Variants in LNX1 observed in about 807,000 individuals in gnomAD.
The protein encoded by LNX1 is E3 ubiquitin-protein ligase LNX.
LNX1 carries 54 observed loss-of-function variants against 68.4 expected under a neutral mutation model. The ratio of observed to expected loss-of-function variants is 0.79; its 90% CI spans 0.63 to 0.99. The LOEUF is 0.99. Among genes scored for constraint, LNX1 ranks in the 50% least tolerant of loss-of-function variants. The pLI is 0.00. For missense variants in LNX1, 906 were observed against 926.4 expected, an observed-to-expected ratio of 0.98 and a Z score of 0.29; for synonymous variants, 336 against 350.0, an observed-to-expected ratio of 0.96 and a Z score of 0.45.
chr4:53,577,898 G>C (rs1269780819), intron 1 of LNX1, among the ~76,000 whole-genome samples: 1 of 152,006 alleles, frequency 6.6e-6, no homozygotes, highest in African/African-American at 2.4e-5. Flanking sequence ...TTGATGATTT[G>C]ATGTTTGGGA....
intron 1 of LNX1, among the ~76,000 whole-genome samples, chr4:53,586,333 A>G (rs1732170691): frequency 1.3e-5 from 2 of 152,342 alleles, no homozygotes; most frequent in South Asian, 4.1e-4. Context: ...AGTCATAAGC[A>G]AGTTATGCAA....
chr4:53,557,803 A>G, intron 2 of LNX1: 1 of 1,570,322 alleles, frequency 6.4e-7, no homozygotes, highest in Non-Finnish European at 8.7e-7. Context: ...TCAGCTAGGG[A>G]ATGGACTCGG....
chr4:53,475,712 A>C (rs2109402029), intron 9 of LNX1, among the ~76,000 whole-genome samples: 1 of 152,344 alleles, frequency 6.6e-6, no homozygotes, highest in South Asian at 2.1e-4. Flanking sequence ...AGGTGAGCAA[A>C]CACCAACTTG....
intron 2 of LNX1, among the ~76,000 whole-genome samples, chr4:53,517,064 T>C (rs747708174): frequency 2.6e-5 from 4 of 152,188 alleles, no homozygotes; most frequent in Non-Finnish European, 5.9e-5. Context: ...CTTTTCTTGC[T>C]CGCCACTGAA....
chr4:53,529,990 G>T (rs1303997204), intron 2 of LNX1, among the ~76,000 whole-genome samples: 2 of 151,854 alleles, frequency 1.3e-5, no homozygotes, highest in Non-Finnish European at 2.9e-5. Flanking sequence ...ACCTCAATAT[G>T]GAAAAAAAAC....
chr4:53,523,489 G>C (rs1025756983), intron 2 of LNX1, among the ~76,000 whole-genome samples: 2 of 152,202 alleles, frequency 1.3e-5, no homozygotes, highest in Non-Finnish European at 2.9e-5. Context: ...GTTTTGCCAT[G>C]TTGGCTAGGC....
intron 1 of LNX1, among the ~76,000 whole-genome samples, chr4:53,634,296 TA>T (rs1190341163): frequency 6.6e-6 from 1 of 150,406 alleles, no homozygotes; most frequent in East Asian, 2.0e-4. Flanking sequence ...CAGGCTGGAG[TA>T]CAGTGGCAGG....
chr4:53,464,424 A>G (rs1422163379), intron 9 of LNX1, among the ~76,000 whole-genome samples: 1 of 152,176 alleles, frequency 6.6e-6, no homozygotes, highest in Non-Finnish European at 1.5e-5. Context: ...GAAAAATGAA[A>G]TATTTAGCTC....
intron 9 of LNX1, among the ~76,000 whole-genome samples, chr4:53,472,291 A>G (rs1471800315): frequency 6.6e-6 from 1 of 152,160 alleles, no homozygotes; most frequent in East Asian, 1.9e-4. Context: ...GAACAATGAG[A>G]AAACATGGAC....
In LNX1 at chr4:53,507,383, C is replaced by T. The variant is rs778911332; in HGVS notation, c.709G>A (p.Gly237Arg). The T allele has an allele frequency of 7.4e-6, 12 of 1,614,118 alleles. No homozygotes were observed. Among genetic ancestry groups the T allele is most frequent in the Non-Finnish European group, 6.8e-6 (8 of 1,180,012 alleles). ...ALSVLRRTKSGSAVANHADQG... is the reference protein window; with the variant it reads ...ALSVLRRTKSRSAVANHADQG... ...TCGGCATGGTTGGCAACTGCACTCC[C>T]GCTCTTTGTCCTTCGAAGAACACTC... Residue 237 changes from glycine (G) to arginine (R), a missense_variant, in exon 4 of 11, where the codon GGG becomes AGG. Transcript: ENST00000263925.
Position 53,525,754 on chromosome 4 carries a change from T to G in LNX1, c.381-17527A>C, listed in dbSNP as rs375744341. On this transcript the variant is annotated intron_variant, in intron 2 of 10. Coordinates refer to ENST00000263925, the MANE Select transcript of LNX1 (RefSeq NM_001126328.3). ...CTTGGATCAATGCTATGGTAGGCAATCCTGTTAATCTGTGGCCAAAACAGT... is the reference window on the plus strand; with the variant it reads ...CTTGGATCAATGCTATGGTAGGCAAGCCTGTTAATCTGTGGCCAAAACAGT... Among the ~76,000 whole-genome samples, 76 of 152,340 alleles carry G rather than the reference T, an allele frequency of 5.0e-4. No homozygotes were observed. The South Asian group carries it at 0.015, about 31-fold the overall frequency.
chr4:53,616,235 CT>C (rs1733674241), intron 2 of LNX1, among the ~76,000 whole-genome samples: 1 of 152,122 alleles, frequency 6.6e-6, no homozygotes, highest in Non-Finnish European at 1.5e-5. Context: ...ATCTTTTTTA[CT>C]TTTTTTCTTA....
At chr4:53,563,533 A>G (rs1306448571) in intron 2 of LNX1, among the ~76,000 whole-genome samples, 1 of 142,312 alleles carries the variant, frequency 7.0e-6, no homozygotes, top group Non-Finnish European at 1.5e-5. Flanking sequence ...GTTAGCTTCA[A>G]ATTCTTTTTT....
At chr4:53,637,500 C>T (rs1416730643) in intron 1 of LNX1, among the ~76,000 whole-genome samples, 2 of 152,142 alleles carry the variant, frequency 1.3e-5, no homozygotes, top group African/African-American at 2.4e-5. Context: ...CTTTGCACTA[C>T]ACCTGTCATT....
At chr4:53,631,933 A>C (rs1734291470) in intron 1 of LNX1, among the ~76,000 whole-genome samples, 1 of 152,044 alleles carries the variant, frequency 6.6e-6, no homozygotes, top group South Asian at 2.1e-4. Context: ...TGAAAATTTT[A>C]AGTAAAATCT....
upstream of LNX1, among the ~76,000 whole-genome samples, chr4:53,621,857 G>T (rs1165803477): frequency 1.3e-5 from 2 of 152,026 alleles, no homozygotes; most frequent in Non-Finnish European, 2.9e-5. Context: ...AATTGCTTTG[G>T]ACCTTTCATT....
At chr4:53,497,466 T>C (rs1329059979) in intron 5 of LNX1, among the ~76,000 whole-genome samples, 4 of 152,216 alleles carry the variant, frequency 2.6e-5, no homozygotes, top group African/African-American at 7.2e-5. Flanking sequence ...AGAGGCTCCC[T>C]CATGCAAAGG....
chr4:53,472,488 A>T (rs1445949129), intron 9 of LNX1, among the ~76,000 whole-genome samples: 3 of 151,848 alleles, frequency 2.0e-5, no homozygotes, highest in Non-Finnish European at 4.4e-5. Flanking sequence ...AAAGTATAAT[A>T]AAAAAAAGAA....
At chr4:53,462,761 C>G (rs1022628561) in intron 9 of LNX1, among the ~76,000 whole-genome samples, 15 of 152,130 alleles carry the variant, frequency 9.9e-5, no homozygotes, top group African/African-American at 3.6e-4. Context: ...TACACATCAT[C>G]TATAACAATT....
Sources: allele counts gnomAD v4.1 joint callset (sites outside exome capture counted in the v4.1 genomes callset), GRCh38; gene constraint gnomAD v4.1.1; transcripts MANE v1.5; gene names NCBI Gene and HGNC (gene_info 2026-07-23, HGNC 2026-07-21).